Variants in EMSY observed in about 807,000 individuals in gnomAD.
EMSY encodes the protein EMSY transcriptional repressor, BRCA2 interacting.
EMSY carries 26 observed loss-of-function variants against 134.6 expected under a neutral mutation model. The observed-to-expected ratio is 0.19, with a 90% CI of 0.14 to 0.27. The LOEUF is 0.27. Among genes scored for constraint, EMSY ranks in the 10% least tolerant of loss-of-function variants. The probability of loss-of-function intolerance (pLI) is 1.00; values close to 1 mark genes in which losing one functional copy is unlikely to be tolerated. For missense variants in EMSY, 1,305 were observed against 1,611.4 expected, an observed-to-expected ratio of 0.81 and a Z score of 3.26; for synonymous variants, 579 against 577.8, an observed-to-expected ratio of 1.00 and a Z score of -0.03.
At chr11:76,474,330 A>G (rs114497247) in intron 8 of EMSY, among the ~76,000 whole-genome samples, 6,046 of 152,232 alleles carry the variant, frequency 0.04, 145 homozygotes, top group Middle Eastern at 0.051. Flanking sequence ...TAGTCTGTCA[A>G]AGGGAGCTTG....
chr11:76,507,050 A>G (rs1199641845), intron 9 of EMSY, among the ~76,000 whole-genome samples: 1 of 152,240 alleles, frequency 6.6e-6, no homozygotes, highest in African/African-American at 2.4e-5. Flanking sequence ...AAGTCACACC[A>G]AAGTTTTGGT....
At chr11:76,475,552 TGGAA>T in intron 8 of EMSY, among the ~76,000 whole-genome samples, 2 of 152,338 alleles carry the variant, frequency 1.3e-5, no homozygotes, top group South Asian at 4.1e-4. Context: ...TTAAAGTCAC[TGGAA>T]GTTAATAGAG....
At chr11:76,458,692 C>T (rs1174549841) in intron 5 of EMSY, 2 of 175,246 alleles carry the variant, frequency 1.1e-5, no homozygotes, top group Non-Finnish European at 1.2e-5. Flanking sequence ...AGTCATTTAG[C>T]TACTAAAAAA....
At chr11:76,518,907 A>G (rs1250606521) in intron 11 of EMSY, among the ~76,000 whole-genome samples, 1 of 150,972 alleles carries the variant, frequency 6.6e-6, no homozygotes, top group African/African-American at 2.4e-5. Context: ...TCTATGACGA[A>G]CATTATTATA....
intron 6 of EMSY, 45 bp downstream of exon 7, chr11:76,460,130 C>G (rs1417812870): frequency 6.2e-7 from 1 of 1,601,870 alleles, no homozygotes; most frequent in Non-Finnish European, 8.6e-7. Context: ...TGGCTAAATG[C>G]TGCAGTCTAG....
intron 14 of EMSY, among the ~76,000 whole-genome samples, chr11:76,531,290 T>C (rs1465723467): frequency 1.3e-5 from 2 of 152,250 alleles, no homozygotes; most frequent in Non-Finnish European, 2.9e-5. Context: ...ATGTTCTTTA[T>C]GGTTTTCACC....
intron 9 of EMSY, among the ~76,000 whole-genome samples, chr11:76,509,268 A>G (rs954950264): frequency 2.0e-5 from 3 of 152,068 alleles, no homozygotes; most frequent in Admixed American, 1.3e-4. Context: ...CAAGGAGTGC[A>G]GATCACCGGA....
intron 8 of EMSY, among the ~76,000 whole-genome samples, chr11:76,495,302 A>G (rs1465494264): frequency 1.3e-5 from 2 of 152,204 alleles, no homozygotes; most frequent in African/African-American, 2.4e-5. Flanking sequence ...CATCCTAAGT[A>G]CTTGAGAATT....
chr11:76,497,143 G>A (rs974494233), intron 9 of EMSY: 1 of 152,268 alleles, frequency 6.6e-6, no homozygotes, highest in Non-Finnish European at 1.5e-5. Context: ...GTTCAATTAA[G>A]TTTTTTCTTG....
chr11:76,493,625 G>A (rs1949512822), intron 8 of EMSY, among the ~76,000 whole-genome samples: 1 of 152,202 alleles, frequency 6.6e-6, no homozygotes, highest in Non-Finnish European at 1.5e-5. Context: ...CCTGTGGAAA[G>A]GAGCTACCCA....
chr11:76,546,377 A>G, intron 20 of EMSY, 80 bp downstream of exon 21: 22 of 1,497,976 alleles, frequency 1.5e-5, no homozygotes, highest in East Asian at 4.5e-5. Flanking sequence ...GACTTGTCAC[A>G]GGAAGAATCA....
At chr11:76,530,958 G>A (rs113403377) in intron 14 of EMSY, among the ~76,000 whole-genome samples, 1,557 of 152,176 alleles carry the variant, frequency 0.01, 19 homozygotes, top group African/African-American at 0.034. Flanking sequence ...CAAAATTACA[G>A]AACAGTTGCA....
chr11:76,533,743 T>C (rs1243482851), intron 14 of EMSY, among the ~76,000 whole-genome samples: 1 of 152,140 alleles, frequency 6.6e-6, no homozygotes, highest in Non-Finnish European at 1.5e-5. Context: ...ACTTGTTCAG[T>C]GCAGAAAGAC....
At chr11:76,510,053 A>G (rs1950219052) in intron 9 of EMSY, among the ~76,000 whole-genome samples, 1 of 152,218 alleles carries the variant, frequency 6.6e-6, no homozygotes, top group Admixed American at 6.5e-5. Flanking sequence ...CGCTGTCTCT[A>G]ATAAAAAAAT....
chr11:76,448,668 C>T (rs1285635234), intron 2 of EMSY, among the ~76,000 whole-genome samples: 1 of 151,766 alleles, frequency 6.6e-6, no homozygotes, highest in Non-Finnish European at 1.5e-5. Context: ...TCATTGACCC[C>T]TCATATTGGG....
intron 6 of EMSY, chr11:76,460,715 C>G (rs1188522911): frequency 6.6e-6 from 1 of 151,926 alleles, no homozygotes; most frequent in African/African-American, 2.4e-5. Context: ...CACGGTGGCT[C>G]ACGCGTGTAA....
intron 7 of EMSY, among the ~76,000 whole-genome samples, chr11:76,464,400 A>G (rs1948265950): frequency 6.6e-6 from 1 of 152,224 alleles, no homozygotes; most frequent in Non-Finnish European, 1.5e-5. Context: ...CTATATTTGT[A>G]TGACCTTCCC....
chr11:76,492,883 G>A (rs576508494), intron 8 of EMSY, among the ~76,000 whole-genome samples: 12 of 152,022 alleles, frequency 7.9e-5, no homozygotes, highest in African/African-American at 1.2e-4. Context: ...TTTCTGGCCC[G>A]CCTGTGGCCA....
intron 12 of EMSY, 23 bp downstream of exon 13, chr11:76,523,314 G>C: frequency 6.2e-7 from 1 of 1,600,070 alleles, no homozygotes; most frequent in Non-Finnish European, 8.5e-7. Context: ...TTCAACTGCA[G>C]ACTTAGCAAT....
Sources: gnomAD v4.1 joint callset for allele counts (sites outside exome capture counted in the v4.1 genomes callset) on GRCh38, gnomAD v4.1.1 for gene constraint, MANE v1.5 for transcripts, NCBI Gene and HGNC (gene_info 2026-07-23, HGNC 2026-07-21) for gene names.